MACF1: variants seen among roughly 807,000 people sequenced by gnomAD.
The protein encoded by MACF1 is microtubule-actin cross-linking factor 1.
Under a neutral mutation model 854.8 loss-of-function variants are expected in MACF1, and 193 were observed. The observed-to-expected ratio is 0.23, with a 90% CI of 0.20 to 0.25. MACF1 has a LOEUF of 0.25. Ranked by LOEUF, MACF1 falls within the 10% of genes least tolerant of loss-of-function variation. The probability of loss-of-function intolerance (pLI) is 1.00; values close to 1 mark genes in which losing one functional copy is unlikely to be tolerated. For missense variants in MACF1, 7,722 were observed against 8,929.1 expected, an observed-to-expected ratio of 0.86 and a Z score of 5.45; for synonymous variants, 3,185 against 3,226.7, an observed-to-expected ratio of 0.99 and a Z score of 0.44.
At chr1:39,285,876 C>A in intron 14 of MACF1, 118 bp downstream of exon 14, 1 of 1,125,684 alleles carries the variant, frequency 8.9e-7, no homozygotes, top group Non-Finnish European at 1.3e-6. Context: ...AGGTCAGTGT[C>A]TCAATGGGGA....
chr1:39,472,006 C>T (rs182419606), intron 97 of MACF1, among the ~76,000 whole-genome samples: 1 of 152,276 alleles, frequency 6.6e-6, no homozygotes, highest in Non-Finnish European at 1.5e-5. Context: ...AACATGCCCG[C>T]ATCAGCCAGT....
intron 1 of MACF1, among the ~76,000 whole-genome samples, chr1:39,213,187 ATATT>A (rs1298533968): frequency 6.6e-6 from 1 of 152,220 alleles, no homozygotes; most frequent in Non-Finnish European, 1.5e-5. Context: ...AAATGAAATG[ATATT>A]TAAAGTTTTT....
chr1:39,147,308 C>T (rs1170958233), intron 2 of MACF1, among the ~76,000 whole-genome samples: 6 of 146,842 alleles, frequency 4.1e-5, no homozygotes, highest in Non-Finnish European at 9.0e-5. Flanking sequence ...CCTTTTCTTC[C>T]TCTTTTTTCC....
chr1:39,375,034 C>T (rs1037112409), intron 52 of MACF1, among the ~76,000 whole-genome samples: 2 of 150,656 alleles, frequency 1.3e-5, no homozygotes, highest in Non-Finnish European at 3.0e-5. Context: ...GGCATGAACC[C>T]GGGAGGCAGA....
chr1:39,157,034 A>G (rs1208972393), intron 2 of MACF1, among the ~76,000 whole-genome samples: 2 of 150,262 alleles, frequency 1.3e-5, no homozygotes, highest in Non-Finnish European at 2.9e-5. Context: ...CAGTGGCGCA[A>G]TCACAGCTCA....
chr1:39,360,015 ATATATATATATAT>A (rs1557608905), intron 47 of MACF1, among the ~76,000 whole-genome samples: 71 of 31,934 alleles, frequency 2.2e-3, no homozygotes, highest in African/African-American at 8.4e-3. Context: ...AAAAAAAAAT[ATATATATATATAT>A]ATATATATAT....
chr1:39,343,482 T>C lies in MACF1; in HGVS notation c.10581+2529T>C, dbSNP rs762799032. ...CAGCCTTTATCTGTTTGCTAAGATATTACAAAGAAGCAAGCATGAAAAAAA... is the reference window on the plus strand; with the variant it reads ...CAGCCTTTATCTGTTTGCTAAGATACTACAAAGAAGCAAGCATGAAAAAAA... On this transcript the variant is annotated intron_variant, in intron 40 of 100. Transcript: ENST00000564288. 3.9e-5 allele frequency among the ~76,000 whole-genome samples: 6 copies of C among 152,310 alleles called. No individual in the cohort carries two copies. In the South Asian group the frequency reaches 8.3e-4, roughly 21 times the overall value.
rs773909632 is a variant in MACF1 at position 39,335,426 on chromosome 1, A to G, written c.8838A>G (p.Val2946=). 4 of 1,614,118 alleles carry G rather than the reference A, an allele frequency of 2.5e-6. No homozygotes were observed. The African/African-American group carries it at 4.0e-5, about 16-fold the overall frequency. Residue 2946 remains valine, a synonymous_variant, in exon 37 of 101, where the codon GTA becomes GTG. Coordinates refer to ENST00000564288, the MANE Select transcript of MACF1 (RefSeq NM_001394062.1). ...RENQGEVILE[V]QETYCETSGK... ...ATCAAGGGGAAGTGATTTTGGAAGTACAAGAAACATATTGTGAAACGTCAG... is the reference window on the plus strand; with the variant it reads ...ATCAAGGGGAAGTGATTTTGGAAGTGCAAGAAACATATTGTGAAACGTCAG...
At chr1:39,094,817 G>A (rs1041699604) in intron 2 of MACF1, among the ~76,000 whole-genome samples, 13 of 152,068 alleles carry the variant, frequency 8.5e-5, no homozygotes, top group South Asian at 2.1e-4. Context: ...GCTTGAGCCC[G>A]GGAGGTCAAG....
In MACF1 at chr1:39,153,172, T is replaced by TA. The variant is rs1490373231; in HGVS notation, c.220+68735dup. ...ATTTCCTACCCTTCCATCTCTCTGC[T>TA]AGAGATCTATAACCTTGTTCCAGTG... On this transcript the variant is annotated intron_variant, in intron 2 of 93. Transcript: ENST00000361689. Among the ~76,000 whole-genome samples the TA allele has an allele frequency of 2.0e-5, 3 of 152,308 alleles. No individual in the cohort carries two copies. In the East Asian group the frequency reaches 5.8e-4, roughly 29 times the overall value.
At chr1:39,171,718 C>T (rs897629321) in intron 2 of MACF1, among the ~76,000 whole-genome samples, 3 of 152,266 alleles carry the variant, frequency 2.0e-5, no homozygotes, top group African/African-American at 7.2e-5. Flanking sequence ...CTCTGCCTCT[C>T]GGGTTCACGC....
At chr1:39,395,461 T>C (rs1642235120) in intron 58 of MACF1, among the ~76,000 whole-genome samples, 1 of 152,236 alleles carries the variant, frequency 6.6e-6, no homozygotes, top group Non-Finnish European at 1.5e-5. Flanking sequence ...TTGCTGGCCT[T>C]AATCTGTGTC....
intron 2 of MACF1, among the ~76,000 whole-genome samples, chr1:39,122,098 TA>T (rs879898553): frequency 1.9e-4 from 29 of 151,670 alleles, no homozygotes; most frequent in African/African-American, 6.0e-4. Flanking sequence ...CGCTCTTGAG[TA>T]AAAAAAAATT....
At chr1:39,309,476 A>G (rs956805095) in intron 23 of MACF1, 94 bp from the exon 24 acceptor site, 18 of 1,466,982 alleles carry the variant, frequency 1.2e-5, no homozygotes, top group African/African-American at 8.5e-5. Flanking sequence ...TATAAGCTCA[A>G]TTCTGCTAAG....
chr1:39,232,746 GTTT>G (rs10712180), intron 2 of MACF1, among the ~76,000 whole-genome samples: 4,459 of 127,806 alleles, frequency 0.035, 62 homozygotes, highest in African/African-American at 0.042. Flanking sequence ...TACTCTCTTT[GTTT>G]TTTTTTTTTT....
intron 50 of MACF1, 109 bp downstream of exon 50, chr1:39,368,423 T>C: frequency 8.7e-7 from 1 of 1,145,206 alleles, no homozygotes; most frequent in Non-Finnish European, 1.2e-6. Flanking sequence ...GCATCTAAAA[T>C]TCTACTACTG....
chr1:39,415,465 A>G (rs1358850506), intron 58 of MACF1, among the ~76,000 whole-genome samples: 2 of 149,024 alleles, frequency 1.3e-5, no homozygotes, highest in African/African-American at 4.9e-5. Context: ...CCTCCCGAGT[A>G]GCTGGGACTA....
chr1:39,444,102 G>A (rs776662029), intron 79 of MACF1, among the ~76,000 whole-genome samples: 2 of 152,144 alleles, frequency 1.3e-5, no homozygotes, highest in African/African-American at 2.4e-5. Flanking sequence ...TTGGGAGGCC[G>A]AGGTGGGTGG....
At chr1:39,213,498 AT>A (rs1644540679) in intron 1 of MACF1, among the ~76,000 whole-genome samples, 1 of 151,778 alleles carries the variant, frequency 6.6e-6, no homozygotes, top group Non-Finnish European at 1.5e-5. Context: ...CGCCCAGCTA[AT>A]TTTTTTTGTA....
Sources: allele counts gnomAD v4.1 joint callset (sites outside exome capture counted in the v4.1 genomes callset), GRCh38; gene constraint gnomAD v4.1.1; transcripts MANE v1.5; gene names NCBI Gene and HGNC (gene_info 2026-07-23, HGNC 2026-07-21).